VCF2: variants seen among roughly 807,000 people sequenced by gnomAD.
VCF2 encodes the protein VCP nuclear cofactor family member 2, also known as protein VCF2.
the VCF2 span, among the ~76,000 whole-genome samples, chrX:55,146,654 G>A: frequency 1.8e-5 from 2 of 112,373 alleles, no homozygotes; most frequent in Non-Finnish European, 1.9e-5. Flanking sequence ...CATCAGAGAA[G>A]TAAGTACTCA....
the VCF2 span, among the ~76,000 whole-genome samples, chrX:55,152,121 G>A: frequency 1.8e-5 from 2 of 109,030 alleles, no homozygotes; most frequent in African/African-American, 6.7e-5. Flanking sequence ...TCGATCTCCT[G>A]ACCTCGTGAT....
At chrX:55,146,694 A>T in the VCF2 span, among the ~76,000 whole-genome samples, 1 of 112,572 alleles carries the variant, frequency 8.9e-6, no homozygotes, top group Admixed American at 9.4e-5. Flanking sequence ...ATTAATGCTG[A>T]GGATGTAGTA....
At chrX:55,145,532 C>A in the VCF2 span, 2 of 754,732 alleles carry the variant, frequency 2.6e-6, no homozygotes, top group Non-Finnish European at 3.1e-6. Context: ...AACTAGAGAG[C>A]AATTTCAACA....
At chrX:55,151,351 T>C in the VCF2 span, among the ~76,000 whole-genome samples, 1 of 112,381 alleles carries the variant, frequency 8.9e-6, no homozygotes, top group African/African-American at 3.2e-5. Context: ...GTTCGTGACC[T>C]GTGGTAAGTA....
At chrX:55,161,161 C>G in the VCF2 span, 1 of 1,205,391 alleles carries the variant, frequency 8.3e-7, no homozygotes, top group East Asian at 3.0e-5. Flanking sequence ...TCCCATAGTC[C>G]TGCCCTCGGA....
At chrX:55,147,774 T>C in the VCF2 span, among the ~76,000 whole-genome samples, 1 of 109,051 alleles carries the variant, frequency 9.2e-6, no homozygotes, top group Non-Finnish European at 1.9e-5. Context: ...ACTAGGGTGA[T>C]GCTATGCTGT....
At chrX:55,159,844 T>C in the VCF2 span, among the ~76,000 whole-genome samples, 1 of 112,582 alleles carries the variant, frequency 8.9e-6, no homozygotes, top group Non-Finnish European at 1.9e-5. Context: ...AGATTACATC[T>C]TCAGTTTCAA....
At chrX:55,146,511 G>C in the VCF2 span, among the ~76,000 whole-genome samples, 1 of 112,044 alleles carries the variant, frequency 8.9e-6, no homozygotes, top group Non-Finnish European at 1.9e-5. Flanking sequence ...TACAGATGAG[G>C]AAACAGATCA....
At chrX:55,149,544 T>TCAC in the VCF2 span, among the ~76,000 whole-genome samples, 1 of 111,206 alleles carries the variant, frequency 9.0e-6, no homozygotes, top group Admixed American at 9.6e-5. Flanking sequence ...CCAGGGACTA[T>TCAC]CATGGAAGAG....
At chrX:55,146,160 A>G in the VCF2 span, 2 of 1,211,347 alleles carry the variant, frequency 1.7e-6, no homozygotes, top group Non-Finnish European at 2.2e-6. Flanking sequence ...ATGGGAGTAA[A>G]GACCTTGGCA....
At chrX:55,151,825 T>C in the VCF2 span, among the ~76,000 whole-genome samples, 1 of 111,257 alleles carries the variant, frequency 9.0e-6, no homozygotes, top group Non-Finnish European at 1.9e-5. Flanking sequence ...TTTTTTTCTT[T>C]CTTTCCTTTC....
At chrX:55,144,977 C>T in the VCF2 span, among the ~76,000 whole-genome samples, 2 of 112,875 alleles carry the variant, frequency 1.8e-5, no homozygotes, top group South Asian at 7.2e-4. Flanking sequence ...CTATGAATTC[C>T]CCATTCAAAT....
the VCF2 span, among the ~76,000 whole-genome samples, chrX:55,151,186 A>T: frequency 8.9e-6 from 1 of 112,464 alleles, no homozygotes; most frequent in Non-Finnish European, 1.9e-5. Flanking sequence ...TTCTTTTGTA[A>T]CAGGACACAA....
the VCF2 span, among the ~76,000 whole-genome samples, chrX:55,153,511 C>T: frequency 1.7e-4 from 18 of 108,165 alleles, no homozygotes; most frequent in African/African-American, 5.4e-4. Flanking sequence ...CATGCCGCCA[C>T]GCCCAGCTAA....
the VCF2 span, among the ~76,000 whole-genome samples, chrX:55,144,097 T>C: frequency 9.0e-6 from 1 of 111,370 alleles, no homozygotes; most frequent in Admixed American, 9.5e-5. Context: ...GACAGTTTTA[T>C]CTTTGATATC....
the VCF2 span, among the ~76,000 whole-genome samples, chrX:55,152,908 T>C: frequency 9.0e-6 from 1 of 111,656 alleles, no homozygotes; most frequent in Non-Finnish European, 1.9e-5. Context: ...CAAATGCATA[T>C]CTGATTACTC....
chrX:55,156,831 G>GA, the VCF2 span, among the ~76,000 whole-genome samples: 79 of 103,764 alleles, frequency 7.6e-4, no homozygotes, highest in East Asian at 0.013. Context: ...AAACAAAAAT[G>GA]AAAAAAAAAA....
chrX:55,159,751 C>A, the VCF2 span, among the ~76,000 whole-genome samples: 1 of 112,194 alleles, frequency 8.9e-6, no homozygotes. Context: ...GACATAGTTA[C>A]TCCACTAGAT....
At chrX:55,161,099 C>A in the VCF2 span, 4 of 1,205,247 alleles carry the variant, frequency 3.3e-6, no homozygotes, top group Admixed American at 6.6e-5. Flanking sequence ...GACCAGAGCT[C>A]GGACTGGTAC....
Sources: allele counts gnomAD v4.1 joint callset (sites outside exome capture counted in the v4.1 genomes callset), GRCh38; gene constraint gnomAD v4.1.1; transcripts MANE v1.5; gene names NCBI Gene and HGNC (gene_info 2026-07-23, HGNC 2026-07-21).